Variants in KCND2 observed in about 807,000 individuals in gnomAD.
KCND2 encodes the protein potassium voltage-gated channel subfamily D member 2.
KCND2 carries 16 observed loss-of-function variants against 54.4 expected under a neutral mutation model. The observed-to-expected ratio is 0.29, with a 90% CI of 0.20 to 0.45. KCND2 has a LOEUF of 0.45. Among genes scored for constraint, KCND2 ranks in the 20% least tolerant of loss-of-function variants. The pLI is 1.00. For missense variants in KCND2, 486 were observed against 824.2 expected, an observed-to-expected ratio of 0.59 and a Z score of 5.02; for synonymous variants, 317 against 310.7, an observed-to-expected ratio of 1.02 and a Z score of -0.21.
At chr7:120,611,895 A>G (rs546756229) in intron 1 of KCND2, among the ~76,000 whole-genome samples, 1 of 152,324 alleles carries the variant, frequency 6.6e-6, no homozygotes, top group East Asian at 1.9e-4. Context: ...TCTTTGGCTC[A>G]TGGTGTTTAG....
chr7:120,630,975 A>G (rs536232975), intron 1 of KCND2, among the ~76,000 whole-genome samples: 64 of 152,298 alleles, frequency 4.2e-4, no homozygotes, highest in South Asian at 1.7e-3. Context: ...TAGTGATTAC[A>G]TCAGCCTTAA....
At chr7:120,475,918 A>T (rs1802527678) in intron 1 of KCND2, among the ~76,000 whole-genome samples, 1 of 152,236 alleles carries the variant, frequency 6.6e-6, no homozygotes, top group Non-Finnish European at 1.5e-5. Context: ...CATACTGACA[A>T]TTGCCAGAAA....
chr7:120,374,830 G>A (rs537593077), intron 1 of KCND2, among the ~76,000 whole-genome samples: 9 of 151,838 alleles, frequency 5.9e-5, no homozygotes, highest in Admixed American at 2.6e-4. Flanking sequence ...CTTCACCCAC[G>A]CTGCTAGATT....
chr7:120,275,840 TTTG>T, intron 1 of KCND2, 93 bp downstream of exon 1: 1 of 1,371,776 alleles, frequency 7.3e-7, no homozygotes, highest in Non-Finnish European at 1.0e-6. Context: ...GGGGAAATCA[TTTG>T]TTTTCTTTCC....
chr7:120,378,083 C>G (rs1216970154), intron 1 of KCND2, among the ~76,000 whole-genome samples: 1 of 151,904 alleles, frequency 6.6e-6, no homozygotes, highest in Non-Finnish European at 1.5e-5. Context: ...ACAGGAAACA[C>G]TTAAGCCTAG....
At chr7:120,444,861 T>C (rs1181867024) in intron 1 of KCND2, among the ~76,000 whole-genome samples, 1 of 152,120 alleles carries the variant, frequency 6.6e-6, no homozygotes, top group African/African-American at 2.4e-5. Context: ...CAATTCCCAT[T>C]AACATCAATG....
At chr7:120,525,192 G>T (rs1036628187) in intron 1 of KCND2, among the ~76,000 whole-genome samples, 3 of 152,046 alleles carry the variant, frequency 2.0e-5, no homozygotes, top group Admixed American at 1.3e-4. Flanking sequence ...TTGCTATTGT[G>T]TTCAAATTCA....
At chr7:120,299,992 A>G (rs767062998) in intron 1 of KCND2, among the ~76,000 whole-genome samples, 4 of 152,178 alleles carry the variant, frequency 2.6e-5, no homozygotes, top group Non-Finnish European at 5.9e-5. Flanking sequence ...TATTATTACT[A>G]TTTATAGTAT....
chr7:120,688,551 C>T (rs1172221028), intron 1 of KCND2, among the ~76,000 whole-genome samples: 1 of 152,160 alleles, frequency 6.6e-6, no homozygotes, highest in South Asian at 2.1e-4. Context: ...GACCTGACAT[C>T]GCACAGATAA....
At chr7:120,679,019 T>C (rs1358538657) in intron 1 of KCND2, among the ~76,000 whole-genome samples, 1 of 151,640 alleles carries the variant, frequency 6.6e-6, no homozygotes, top group Non-Finnish European at 1.5e-5. Flanking sequence ...ACAGACAACA[T>C]GATGAGGCAG....
intron 1 of KCND2, among the ~76,000 whole-genome samples, chr7:120,709,028 A>G (rs997459185): frequency 3.3e-5 from 5 of 152,122 alleles, no homozygotes; most frequent in African/African-American, 1.2e-4. Context: ...TTCTCTGTGT[A>G]TTCAAAGCCC....
intron 1 of KCND2, among the ~76,000 whole-genome samples, chr7:120,390,553 A>G (rs1161944172): frequency 6.6e-6 from 1 of 152,014 alleles, no homozygotes; most frequent in Non-Finnish European, 1.5e-5. Flanking sequence ...GCAAAGTGGA[A>G]TGAGATGGGA....
At chr7:120,604,543 T>C (rs1648128173) in intron 1 of KCND2, among the ~76,000 whole-genome samples, 1 of 146,888 alleles carries the variant, frequency 6.8e-6, no homozygotes, top group South Asian at 2.1e-4. Flanking sequence ...ATAATAATAA[T>C]AATAATAATA....
chr7:120,603,303 C>T (rs960765756), intron 1 of KCND2, among the ~76,000 whole-genome samples: 4 of 152,184 alleles, frequency 2.6e-5, no homozygotes, highest in Non-Finnish European at 5.9e-5. Context: ...TCTAGCTTCT[C>T]GACCTGGATA....
intron 1 of KCND2, among the ~76,000 whole-genome samples, chr7:120,682,277 A>C (rs1792148989): frequency 6.6e-6 from 1 of 152,046 alleles, no homozygotes; most frequent in Non-Finnish European, 1.5e-5. Context: ...AATTAAAGAT[A>C]TTAATAAACA....
chr7:120,473,594 G>A (rs1584793499), intron 1 of KCND2, among the ~76,000 whole-genome samples: 1 of 152,090 alleles, frequency 6.6e-6, no homozygotes, highest in East Asian at 1.9e-4. Context: ...ACCAACTCCT[G>A]CTTAGCAGCG....
rs964190530 is a variant in KCND2, at chr7:120,630,707, T to C, written c.1116-102196T>C. Among the ~76,000 whole-genome samples, 15 of 152,300 alleles carry C rather than the reference T, an allele frequency of 9.8e-5. No homozygotes were observed. The East Asian group carries it at 2.9e-3, about 29-fold the overall frequency. On this transcript the variant is annotated intron_variant, in intron 1 of 5. Transcript: ENST00000331113. ...TTAAAAGAATGACAGAATTGTGATATCTCGCTTAAAAGGTATTGAGTCATG... is the reference window on the plus strand; with the variant it reads ...TTAAAAGAATGACAGAATTGTGATACCTCGCTTAAAAGGTATTGAGTCATG...
chr7:120,597,249 G>A (rs1365179882), intron 1 of KCND2, among the ~76,000 whole-genome samples: 6 of 152,180 alleles, frequency 3.9e-5, no homozygotes, highest in Non-Finnish European at 7.3e-5. Flanking sequence ...GGATGTAGAG[G>A]AAGCAAAGAG....
intron 2 of KCND2, among the ~76,000 whole-genome samples, chr7:120,733,765 C>G (rs1792838024): frequency 6.6e-6 from 1 of 151,972 alleles, no homozygotes; most frequent in Non-Finnish European, 1.5e-5. Context: ...AACTTCATGC[C>G]AGGTAATTAA....
Sources: gnomAD v4.1 joint callset for allele counts (sites outside exome capture counted in the v4.1 genomes callset) on GRCh38, gnomAD v4.1.1 for gene constraint, MANE v1.5 for transcripts, NCBI Gene and HGNC (gene_info 2026-07-23, HGNC 2026-07-21) for gene names.